CEP131: variants seen among roughly 807,000 people sequenced by gnomAD.
CEP131 encodes the protein centrosomal protein of 131 kDa.
CEP131 carries 99 observed loss-of-function variants against 136.8 expected under a neutral mutation model. The ratio of observed to expected loss-of-function variants is 0.72; its 90% CI spans 0.62 to 0.86. CEP131 has a LOEUF of 0.86. Among genes scored for constraint, CEP131 ranks in the 40% least tolerant of loss-of-function variants. The pLI, the probability that CEP131 is intolerant of heterozygous loss-of-function variation, is 0.00. For missense variants in CEP131, 1,459 were observed against 1,463.0 expected (o/e 1.00, Z 0.04); for synonymous variants, 646 against 612.7 (o/e 1.05, Z -0.80).
intron 5 of CEP131, among the ~76,000 whole-genome samples, chr17:81,205,299 A>C (rs2061978972): frequency 6.8e-6 from 1 of 146,330 alleles, no homozygotes; most frequent in African/African-American, 2.6e-5. Context: ...CAGAAGAAAT[A>C]GCTTGAAAAG....
At chr17:81,192,685 G>GGGGGGGGGGGGGGGGCCGCCC in intron 19 of CEP131, 51 bp downstream of exon 19, 2 of 478,432 alleles carry the variant, frequency 4.2e-6, no homozygotes, top group Non-Finnish European at 8.1e-6. Context: ...GGGGGGAGGG[G>GGGGGGGGGGGGGGGGCCGCCC]TCAGCCAGCG....
intron 16 of CEP131, among the ~76,000 whole-genome samples, chr17:81,195,291 C>G (rs2061730074): frequency 6.6e-6 from 1 of 152,060 alleles, no homozygotes; most frequent in Non-Finnish European, 1.5e-5. Context: ...TTCCATGGGA[C>G]TGGCAGTCCT....
chr17:81,193,316 G>T (rs867396), intron 18 of CEP131, among the ~76,000 whole-genome samples: 2 of 151,892 alleles, frequency 1.3e-5, no homozygotes, highest in Non-Finnish European at 2.9e-5. Context: ...AGGAGAGACT[G>T]GGGGACCAGC....
intron 1 of CEP131, among the ~76,000 whole-genome samples, chr17:81,222,014 T>A (rs969413): frequency 0.4 from 60,188 of 152,002 alleles, 14,591 homozygotes; most frequent in East Asian, 0.64. Flanking sequence ...AGTCCTCAGT[T>A]ATGCACTTCC....
At chr17:81,193,277 G>T (rs993351340) in intron 18 of CEP131, among the ~76,000 whole-genome samples, 1 of 152,336 alleles carries the variant, frequency 6.6e-6, no homozygotes, top group South Asian at 2.1e-4. Flanking sequence ...GCAAGCTCGC[G>T]CCAGGGCCTC....
In CEP131 at chr17:81,198,725, CAAG is replaced by C. The variant is rs533896539; in HGVS notation, c.1287+149_1287+151del. 116 of 747,558 alleles carry C rather than the reference CAAG, an allele frequency of 1.6e-4. 3 individuals carry two copies. In the South Asian group the frequency reaches 1.9e-3, roughly 12 times the overall value. 46.3% of individuals were successfully genotyped at this position (747,558 alleles called of 1,614,324 possible). A position where few individuals can be genotyped will look rare whatever the true frequency, so the allele number is the denominator to read the frequency against. Reference sequence around the variant, plus strand: ...AGGCAGCCAGCACCATGCATCAGAGCAAGAAGACACCTCCTGGGTGGCCTCTCT... The same window carrying C: ...AGGCAGCCAGCACCATGCATCAGAGCAAGACACCTCCTGGGTGGCCTCTCT... On this transcript the variant is annotated intron_variant, in intron 11 of 25. Coordinates refer to ENST00000450824, the MANE Select transcript of CEP131 (RefSeq NM_014984.4).
At chr17:81,205,336 G>GGGGTAGGAGGGGCGGCAAGAGTGT (rs562481624) in intron 5 of CEP131, among the ~76,000 whole-genome samples, 3,227 of 144,468 alleles carry the variant, frequency 0.022, 99 homozygotes, top group East Asian at 0.086. Flanking sequence ...GCAGGCGCCA[G>GGGGTAGGAGGGGCGGCAAGAGTGT]GGGTAGGAGG....
intron 5 of CEP131, among the ~76,000 whole-genome samples, chr17:81,206,063 G>A (rs2062002791): frequency 1.3e-5 from 2 of 151,946 alleles, no homozygotes; most frequent in African/African-American, 2.4e-5. Context: ...AAAATTACTC[G>A]GGCGTGGTGG....
intron 5 of CEP131, among the ~76,000 whole-genome samples, chr17:81,204,484 G>A (rs938702116): frequency 6.6e-6 from 1 of 152,132 alleles, no homozygotes; most frequent in African/African-American, 2.4e-5. Flanking sequence ...ACTCAACAAT[G>A]CCTTGCTCTC....
intron 2 of CEP131, among the ~76,000 whole-genome samples, chr17:81,212,770 TC>T (rs1488852685): frequency 6.6e-5 from 10 of 150,708 alleles, no homozygotes; most frequent in Non-Finnish European, 1.2e-4. Flanking sequence ...TCAGCAAGCG[TC>T]GGGGGGGCGA....
chr17:81,191,457 CCTCT>C (rs2061640479), intron 21 of CEP131, 122 bp from the exon 22 acceptor site: 1 of 865,008 alleles, frequency 1.2e-6, no homozygotes, highest in Admixed American at 2.1e-5. Context: ...GGGCCTTCCC[CCTCT>C]CCAGACCCCT....
At chr17:81,194,256 C>T in intron 17 of CEP131, 129 bp from the exon 18 acceptor site, 1 of 839,812 alleles carries the variant, frequency 1.2e-6, no homozygotes, top group African/African-American at 1.8e-5. Flanking sequence ...TTGGATCCAA[C>T]CCGAAGCACA....
chr17:81,213,632 T>C (rs9893755), intron 2 of CEP131, among the ~76,000 whole-genome samples: 82,179 of 151,686 alleles, frequency 0.54, 23,967 homozygotes, highest in African/African-American at 0.76. Context: ...ATAACTTCTA[T>C]AGATGCTCTT....
intron 1 of CEP131, among the ~76,000 whole-genome samples, chr17:81,220,917 G>A (rs548502258): frequency 4.6e-5 from 7 of 151,836 alleles, no homozygotes; most frequent in Admixed American, 1.3e-4. Context: ...GAGCTCAGGA[G>A]TTCAAGACCA....
chr17:81,218,538 A>G (rs964847290), intron 2 of CEP131, among the ~76,000 whole-genome samples: 6 of 152,190 alleles, frequency 3.9e-5, no homozygotes, highest in African/African-American at 1.2e-4. Flanking sequence ...AGTGCAGCAT[A>G]TTTTTATTTT....
In CEP131 at chr17:81,192,728, G is replaced by A. The variant is rs954178314; in HGVS notation, c.2429+8C>T. 1.3e-6 allele frequency: 2 copies of A among 1,552,906 alleles called. No homozygotes were observed. Among genetic ancestry groups the A allele is most frequent in the African/African-American group, 1.4e-5 (1 of 73,922 alleles). ...CCTGGGAGAGGGCGTGGTGCCCCCGGGCGGCACCTGGCTGCCTGCTGGCCC... is the reference window on the plus strand; with the variant it reads ...CCTGGGAGAGGGCGTGGTGCCCCCGAGCGGCACCTGGCTGCCTGCTGGCCC... On this transcript the variant is annotated splice_region_variant and intron_variant, in intron 19 of 25. Coordinates refer to ENST00000450824, the MANE Select transcript of CEP131 (RefSeq NM_014984.4).
Position 81,208,939 on chromosome 17 carries a change from G to A in CEP131, c.261C>T (p.Ser87=), listed in dbSNP as rs148304893. Residue 87 remains serine, a synonymous_variant, in exon 3 of 26, where the codon AGC becomes AGT. Coordinates refer to ENST00000450824, the MANE Select transcript of CEP131 (RefSeq NM_014984.4). This position sits in a 1 kb window ranked among gnomAD's most constrained non-coding sequence, Gnocchi z 5.6. ...GCCTTAGGGGTTACCTGGGGGAGCCGCTCCGAGGCTGGCTGACCTGCGTGG... is the reference window on the plus strand; with the variant it reads ...GCCTTAGGGGTTACCTGGGGGAGCCACTCCGAGGCTGGCTGACCTGCGTGG... ...NSTTQVSQPR[S]GSPRPTEPTD... The A allele has an allele frequency of 6.2e-4, 1,008 of 1,613,514 alleles. 8 individuals carry two copies. In the African/African-American group the frequency reaches 0.011, roughly 17 times the overall value.
At chr17:81,210,538 C>T (rs1334369336) in intron 2 of CEP131, among the ~76,000 whole-genome samples, 1 of 152,062 alleles carries the variant, frequency 6.6e-6, no homozygotes. Flanking sequence ...CCACGGCACT[C>T]CAGCCTGGAG....
chr17:81,218,352 G>A lies in CEP131; in HGVS notation c.177+1528C>T, dbSNP rs72858489. 5.4e-3 allele frequency among the ~76,000 whole-genome samples: 825 copies of A among 152,266 alleles called. 5 individuals carry two copies. The highest frequency in any genetic ancestry group is 0.01 in the Middle Eastern group (3 of 294). ...GCCACCTCGCCCAGCCCAGATCTGCGATTTCGAGTGCGTCTTCCCCGCCCC... is the reference window on the plus strand; with the variant it reads ...GCCACCTCGCCCAGCCCAGATCTGCAATTTCGAGTGCGTCTTCCCCGCCCC... On this transcript the variant is annotated intron_variant, in intron 2 of 25. Transcript: ENST00000450824.
Sources: gnomAD v4.1 joint callset for allele counts (sites outside exome capture counted in the v4.1 genomes callset) on GRCh38, gnomAD v4.1.1 for gene constraint, Gnocchi (gnomAD v3.1) non-coding constraint, MANE v1.5 for transcripts, NCBI Gene and HGNC (gene_info 2026-07-23, HGNC 2026-07-21) for gene names.